DLG2: variants seen among roughly 807,000 people sequenced by gnomAD.
DLG2 encodes the protein disks large homolog 2.
A neutral mutation model predicts 132.5 loss-of-function variants in DLG2; 45 were observed. The ratio of observed to expected loss-of-function variants is 0.34; its 90% CI spans 0.27 to 0.44. The LOEUF is 0.44. DLG2 is among the 20% of genes least tolerant of loss of function. The pLI is 1.00. For synonymous variants in DLG2, 424 were observed against 419.6 expected (o/e 1.01, Z -0.13); for missense variants, 1,045 against 1,196.9 (o/e 0.87, Z 1.87).
intron 9 of DLG2, among the ~76,000 whole-genome samples, chr11:84,124,333 C>T (rs2094063273): frequency 6.6e-6 from 1 of 152,186 alleles, no homozygotes; most frequent in Non-Finnish European, 1.5e-5. Context: ...TTCTACCTGA[C>T]AATGGAAAAG....
At chr11:84,915,438 T>C (rs1179198925) in intron 6 of DLG2, among the ~76,000 whole-genome samples, 1 of 152,236 alleles carries the variant, frequency 6.6e-6, no homozygotes, top group Non-Finnish European at 1.5e-5. Context: ...TTGCTGCATG[T>C]TGCAATCCAG....
At chr11:85,475,615 G>A (rs2093117949) in intron 3 of DLG2, among the ~76,000 whole-genome samples, 1 of 152,148 alleles carries the variant, frequency 6.6e-6, no homozygotes, top group East Asian at 1.9e-4. Context: ...AATACTATTA[G>A]ATAATAATAA....
chr11:83,593,219 CAATAGCAA>C (rs2097218466), intron 19 of DLG2, among the ~76,000 whole-genome samples: 1 of 147,784 alleles, frequency 6.8e-6, no homozygotes, highest in South Asian at 2.2e-4. Context: ...GCATTATTCA[CAATAGCAA>C]AGACTTGGAA....
chr11:84,316,350 C>A (rs1306620292), intron 7 of DLG2, among the ~76,000 whole-genome samples: 2 of 152,050 alleles, frequency 1.3e-5, no homozygotes, highest in Admixed American at 1.3e-4. Context: ...ACTGAAAAGG[C>A]ATACAGTATT....
At chr11:85,043,611 G>T (rs2062054796) in intron 6 of DLG2, among the ~76,000 whole-genome samples, 2 of 151,780 alleles carry the variant, frequency 1.3e-5, no homozygotes, top group African/African-American at 2.4e-5. Flanking sequence ...CCAATTTAGA[G>T]AATTTTAGCT....
intron 4 of DLG2, among the ~76,000 whole-genome samples, chr11:85,277,748 C>T (rs1168644501): frequency 1.3e-5 from 2 of 152,100 alleles, no homozygotes; most frequent in Non-Finnish European, 2.9e-5. Flanking sequence ...CAAGTTACTA[C>T]CCATGAGAAA....
intron 6 of DLG2, among the ~76,000 whole-genome samples, chr11:84,775,745 G>A (rs899061718): frequency 5.3e-5 from 8 of 152,114 alleles, no homozygotes; most frequent in African/African-American, 1.9e-4. Context: ...ACTACTGGAG[G>A]GGGATGGTAC....
At chr11:83,505,525 A>G (rs1335306074) in intron 21 of DLG2, among the ~76,000 whole-genome samples, 1 of 152,224 alleles carries the variant, frequency 6.6e-6, no homozygotes, top group Non-Finnish European at 1.5e-5. Context: ...GTGAGGACTC[A>G]CATGGGATAC....
At chr11:84,561,920 A>C (rs1261271453) in intron 6 of DLG2, among the ~76,000 whole-genome samples, 2 of 152,178 alleles carry the variant, frequency 1.3e-5, no homozygotes, top group Non-Finnish European at 2.9e-5. Context: ...TCAACCAAAC[A>C]GAATTCACCT....
At chr11:83,589,425 C>T (rs372884239) in intron 19 of DLG2, among the ~76,000 whole-genome samples, 6,150 of 151,100 alleles carry the variant, frequency 0.041, 152 homozygotes, top group Middle Eastern at 0.078. Flanking sequence ...AAATACTTTA[C>T]AGACAAGCAA....
intron 19 of DLG2, among the ~76,000 whole-genome samples, chr11:83,627,827 C>T (rs564578646): frequency 6.6e-6 from 1 of 152,332 alleles, no homozygotes; most frequent in African/African-American, 2.4e-5. Context: ...TACACTCCCA[C>T]CAACAGTGTA....
At chr11:85,525,809 AG>A (rs1457203540) in intron 3 of DLG2, among the ~76,000 whole-genome samples, 1 of 152,186 alleles carries the variant, frequency 6.6e-6, no homozygotes, top group Non-Finnish European at 1.5e-5. Flanking sequence ...GAGAAGATGA[AG>A]CTGGGAATCT....
intron 19 of DLG2, among the ~76,000 whole-genome samples, chr11:83,597,316 G>C (rs1337154917): frequency 6.6e-6 from 1 of 152,086 alleles, no homozygotes; most frequent in East Asian, 1.9e-4. Context: ...CCCACACATG[G>C]TATGTGCTCA....
chr11:85,090,840 A>G (rs183699312), intron 6 of DLG2, among the ~76,000 whole-genome samples: 348 of 152,360 alleles, frequency 2.3e-3, no homozygotes, highest in African/African-American at 8.1e-3. Flanking sequence ...TTATAAAGAA[A>G]AAAAGGCTTA....
chr11:85,115,669 A>T (rs543336699), intron 5 of DLG2, among the ~76,000 whole-genome samples: 36 of 152,020 alleles, frequency 2.4e-4, no homozygotes, highest in Admixed American at 7.2e-4. Flanking sequence ...TTTTGAAGAG[A>T]CACTTCAGGT....
At chr11:84,929,018 A>ATATATATC (rs2047782037) in intron 6 of DLG2, among the ~76,000 whole-genome samples, 1 of 125,072 alleles carries the variant, frequency 8.0e-6, no homozygotes, top group Non-Finnish European at 1.7e-5. Context: ...ATATATATAT[A>ATATATATC]TATATATTAC....
chr11:84,876,879 T>C (rs2086432073), intron 6 of DLG2, among the ~76,000 whole-genome samples: 1 of 152,156 alleles, frequency 6.6e-6, no homozygotes, highest in Non-Finnish European at 1.5e-5. Flanking sequence ...TCTGGTACAT[T>C]GTGTGTTTGT....
At chr11:84,002,363 G>A (rs541142260) in intron 11 of DLG2, among the ~76,000 whole-genome samples, 1 of 152,328 alleles carries the variant, frequency 6.6e-6, no homozygotes, top group South Asian at 2.1e-4. Context: ...TGGGGACTCT[G>A]TGTGGGGGTG....
chr11:85,457,544 A>C (rs1433362598), intron 3 of DLG2, among the ~76,000 whole-genome samples: 1 of 152,160 alleles, frequency 6.6e-6, no homozygotes, highest in Non-Finnish European at 1.5e-5. Flanking sequence ...ACTTGTCTAT[A>C]TGCTTAAGCA....
Sources: allele counts gnomAD v4.1 joint callset (sites outside exome capture counted in the v4.1 genomes callset), GRCh38; gene constraint gnomAD v4.1.1; transcripts MANE v1.5; gene names NCBI Gene and HGNC (gene_info 2026-07-23, HGNC 2026-07-21).